ARID1B: variants seen among roughly 807,000 people sequenced by gnomAD.
The protein encoded by ARID1B is AT-rich interaction domain 1B.
Under a neutral mutation model 212.3 loss-of-function variants are expected in ARID1B, and 30 were observed. The observed-to-expected ratio is 0.14, with a 90% confidence interval of 0.11 to 0.19. The LOEUF (loss-of-function observed/expected upper bound fraction) is 0.19. Ranked by LOEUF, ARID1B falls within the 10% of genes least tolerant of loss-of-function variation. The probability of loss-of-function intolerance (pLI) is 1.00; values close to 1 mark genes in which losing one functional copy is unlikely to be tolerated. For missense variants in ARID1B, 2,891 were observed against 3,204.0 expected (o/e 0.90, Z 2.36); for synonymous variants, 1,402 against 1,301.7 (o/e 1.08, Z -1.66).
chr6:156,841,488 A>G (rs1783900908), intron 2 of ARID1B, among the ~76,000 whole-genome samples: 1 of 152,222 alleles, frequency 6.6e-6, no homozygotes, highest in Non-Finnish European at 1.5e-5. Context: ...TGTCACCATC[A>G]CAATTGTCTC....
At chr6:156,920,546 G>T (rs919162452) in intron 3 of ARID1B, among the ~76,000 whole-genome samples, 10 of 152,102 alleles carry the variant, frequency 6.6e-5, no homozygotes, top group Non-Finnish European at 1.2e-4. Context: ...AGAGTAACAA[G>T]CTCTATGTAT....
intron 4 of ARID1B, among the ~76,000 whole-genome samples, chr6:157,045,565 A>T (rs1345560887): frequency 6.6e-6 from 1 of 151,994 alleles, no homozygotes; most frequent in Non-Finnish European, 1.5e-5. Context: ...CCTTAGCGGG[A>T]TGTGTTTTCT....
intron 4 of ARID1B, among the ~76,000 whole-genome samples, chr6:156,979,808 G>A (rs1267075534): frequency 2.0e-5 from 3 of 152,078 alleles, no homozygotes; most frequent in Admixed American, 2.0e-4. Flanking sequence ...CGCCCACCTC[G>A]GCCTCCCAAA....
intron 2 of ARID1B, among the ~76,000 whole-genome samples, chr6:156,839,689 T>C (rs936846749): frequency 6.6e-6 from 1 of 152,190 alleles, no homozygotes; most frequent in Non-Finnish European, 1.5e-5. Flanking sequence ...GCATCTGATG[T>C]ATCACAGCAC....
At chr6:156,842,636 A>G (rs1015295597) in intron 2 of ARID1B, among the ~76,000 whole-genome samples, 1 of 152,216 alleles carries the variant, frequency 6.6e-6, no homozygotes, top group African/African-American at 2.4e-5. Context: ...TAGGAGTAGA[A>G]TTGCTGGATC....
intron 4 of ARID1B, among the ~76,000 whole-genome samples, chr6:157,061,462 T>G (rs1287076065): frequency 1.3e-5 from 2 of 151,622 alleles, no homozygotes; most frequent in Non-Finnish European, 2.9e-5. Context: ...AACCAAGAGG[T>G]GAGGTCACCT....
At chr6:156,943,811 C>T (rs560944945) in intron 4 of ARID1B, 39 of 152,262 alleles carry the variant, frequency 2.6e-4, no homozygotes, top group African/African-American at 8.9e-4. Context: ...TATTTACCAT[C>T]GGGTCATTGT....
At chr6:157,164,031 T>C (rs111936302) in intron 8 of ARID1B, among the ~76,000 whole-genome samples, 1,865 of 152,334 alleles carry the variant, frequency 0.012, 36 homozygotes, top group African/African-American at 0.042. Context: ...CCTCCAGGAA[T>C]CTAAAACATT....
chr6:157,160,564 G>A (rs1215305351), intron 8 of ARID1B, among the ~76,000 whole-genome samples: 1 of 152,106 alleles, frequency 6.6e-6, no homozygotes, highest in Non-Finnish European at 1.5e-5. Flanking sequence ...TCTTGCCTCC[G>A]ATGTGTTCTT....
At chr6:157,117,262 C>G (rs1787383307) in intron 6 of ARID1B, among the ~76,000 whole-genome samples, 1 of 152,214 alleles carries the variant, frequency 6.6e-6, no homozygotes, top group South Asian at 2.1e-4. Context: ...TTTGTTTAGA[C>G]TGAATAGTCT....
In ARID1B at chr6:156,778,350, G is replaced by A; in HGVS notation, c.670G>A (p.Gly224Ser). The change falls in exon 1 of 20, where the codon GGC becomes AGC. Residue 224 changes from glycine to serine, a missense_variant. Physicochemically the swap from Gly to Ser is moderately conservative, Grantham distance 56. This residue lies in a region of ARID1B where 1,643 missense variants were observed against 1,544.0 expected (regional missense o/e 1.06). Transcript: ENST00000636930. The part of the protein sequence containing the change: ...QHPISNNNSL[G>S]GAGGGAPQPG... ...TCCCATTTCCAACAACAACAGCTTGGGCGGCGCGGGCGGCGGCGCGCCTCA... is the reference window on the plus strand; with the variant it reads ...TCCCATTTCCAACAACAACAGCTTGAGCGGCGCGGGCGGCGGCGCGCCTCA... The A allele has an allele frequency of 6.5e-7, 1 of 1,539,804 alleles. No homozygotes were observed. The highest frequency in any genetic ancestry group is 8.7e-7 in the Non-Finnish European group (1 of 1,145,852).
At chr6:157,083,979 C>T (rs1562603546) in intron 4 of ARID1B, among the ~76,000 whole-genome samples, 1 of 146,812 alleles carries the variant, frequency 6.8e-6, no homozygotes, top group Non-Finnish European at 1.5e-5. Flanking sequence ...ATTAAAAATA[C>T]AAAAATTAGC....
At chr6:156,904,990 T>C (rs1789244462) in intron 3 of ARID1B, among the ~76,000 whole-genome samples, 1 of 152,244 alleles carries the variant, frequency 6.6e-6, no homozygotes, top group African/African-American at 2.4e-5. Context: ...TAGTTTTAGT[T>C]TACATTTATC....
At chr6:156,817,503 G>A (rs955181875) in intron 1 of ARID1B, among the ~76,000 whole-genome samples, 1 of 151,600 alleles carries the variant, frequency 6.6e-6, no homozygotes, top group Admixed American at 6.6e-5. Context: ...AGTAGCACAC[G>A]CTTGTGGTCC....
At chr6:156,839,346 C>A (rs1323760671) in intron 2 of ARID1B, among the ~76,000 whole-genome samples, 3 of 152,158 alleles carry the variant, frequency 2.0e-5, no homozygotes, top group Admixed American at 6.5e-5. Context: ...TCAGATCTCT[C>A]TTCCTCTTCT....
chr6:157,043,170 A>G (rs1007566785), intron 4 of ARID1B, among the ~76,000 whole-genome samples: 1 of 152,118 alleles, frequency 6.6e-6, no homozygotes, highest in Non-Finnish European at 1.5e-5. Flanking sequence ...TGGTCTTCCA[A>G]CCCCCAACTA....
chr6:156,856,698 TCTCACACACACACACACA>T (rs1172343626), intron 2 of ARID1B, among the ~76,000 whole-genome samples: 69 of 85,680 alleles, frequency 8.1e-4, no homozygotes, highest in African/African-American at 2.7e-3. Context: ...TCTCTCTCTC[TCTCACACACACACACACA>T]CACACACACA....
chr6:157,026,475 G>A (rs1460585503), intron 4 of ARID1B, among the ~76,000 whole-genome samples: 1 of 152,112 alleles, frequency 6.6e-6, no homozygotes, highest in Non-Finnish European at 1.5e-5. Flanking sequence ...AACAGATCAA[G>A]AGCACTTGGT....
At position 157,189,707 on chromosome 6, in the gene ARID1B, G is replaced by C. The variant is rs781326777; in HGVS notation, c.3985G>C (p.Val1329Leu). ...QSTGSNSMAE[V>L]PGDLKPPTPA... ...AACTGGCAGCAATTCCATGGCAGAG[G>C]TTCCAGGTGACCTGAAGCCACCTAC... is the stretch of plus-strand genomic sequence containing the variant. Residue 1329 changes from valine to leucine, a missense_variant, in exon 14 of 20, where the codon GTT (valine) becomes CTT (leucine). Val to Leu is a conservative substitution (Grantham distance 32). This residue lies in a region of ARID1B where 666 missense variants were observed against 873.5 expected (regional missense o/e 0.76). Coordinates refer to ENST00000636930, the MANE Select transcript of ARID1B (RefSeq NM_001374828.1). 2 of 1,614,036 alleles carry C rather than the reference G, an allele frequency of 1.2e-6. No individual in the cohort carries two copies.
Sources: gnomAD v4.1 joint callset for allele counts (sites outside exome capture counted in the v4.1 genomes callset) on GRCh38, gnomAD v4.1.1 for gene constraint, gnomAD v4.1.1 regional missense constraint, MANE v1.5 for transcripts, NCBI Gene and HGNC (gene_info 2026-07-23, HGNC 2026-07-21) for gene names.